The following RAD18 variants were observed in gnomAD, a reference collection of about 807,000 sequenced individuals.
The protein encoded by RAD18 is E3 ubiquitin-protein ligase RAD18.
Under a neutral mutation model 60.4 loss-of-function variants are expected in RAD18, and 47 were observed. That is an observed-to-expected ratio of 0.78 (90% confidence interval 0.62 to 0.99). The LOEUF is 0.99. RAD18 is among the 50% of genes least tolerant of loss of function. The probability of loss-of-function intolerance (pLI) is 0.00; values close to 1 mark genes in which losing one functional copy is unlikely to be tolerated. For synonymous variants in RAD18, 225 were observed against 195.5 expected, an observed-to-expected ratio of 1.15 and a Z score of -1.26; for missense variants, 640 against 593.3, an observed-to-expected ratio of 1.08 and a Z score of -0.82.
At chr3:8,928,965 A>G (rs1940499507) in intron 7 of RAD18, among the ~76,000 whole-genome samples, 1 of 149,048 alleles carries the variant, frequency 6.7e-6, no homozygotes, top group Non-Finnish European at 1.5e-5. Flanking sequence ...AATAACCAAA[A>G]TCTTTAAAAA....
Position 8,935,750 on chromosome 3 carries a change from G to A in RAD18, c.889+121C>T. 3 of 936,666 alleles carry A rather than the reference G, an allele frequency of 3.2e-6. No individual in the cohort carries two copies. The South Asian group carries it at 6.2e-5, about 19-fold the overall frequency. 58.0% of individuals were successfully genotyped at this position (936,666 alleles called of 1,614,324 possible). ...AGGTACCTTTTGAAGGAACACATTT[G>A]CACGTCTTATCTATCAAAAATGTAT... On this transcript the variant is annotated intron_variant, in intron 7 of 12. Transcript: ENST00000264926.
chr3:8,922,925 T>A (rs1440259479), intron 7 of RAD18, among the ~76,000 whole-genome samples: 4 of 152,066 alleles, frequency 2.6e-5, no homozygotes, highest in Admixed American at 2.6e-4. Flanking sequence ...TACGTCACCA[T>A]CATCAAAGAC....
In RAD18 at chr3:8,963,360, C is replaced by A. The variant is rs756469866; in HGVS notation, c.26G>T (p.Trp9Leu). The A allele has an allele frequency of 2.1e-5, 34 of 1,611,766 alleles. No individual in the cohort carries two copies. Among genetic ancestry groups the A allele is most frequent in the Non-Finnish European group, 2.8e-5 (33 of 1,179,102 alleles). Residue 9 changes from tryptophan to leucine, a missense_variant, in exon 1 of 13, where the codon TGG becomes TTG. By Grantham distance (61) the Trp-to-Leu change is moderately conservative. Coordinates refer to ENST00000264926, the MANE Select transcript of RAD18 (RefSeq NM_020165.4). Reference sequence around the variant, plus strand: ...CTTCATGACTGCCAGGCCCGGAGGCCACCGAGACTCGGCCAGGGAGTCCAT... The same window carrying A: ...CTTCATGACTGCCAGGCCCGGAGGCAACCGAGACTCGGCCAGGGAGTCCAT... The part of the protein sequence containing the change: MDSLAESR[W>L]PPGLAVMKTI...
chr3:8,942,414 G>A (rs1017260179), intron 4 of RAD18, among the ~76,000 whole-genome samples: 3 of 152,196 alleles, frequency 2.0e-5, no homozygotes, highest in African/African-American at 7.2e-5. Context: ...GGCTTGTACA[G>A]CTGCAGAACC....
At chr3:8,918,698 T>C (rs1358205046) in intron 7 of RAD18, among the ~76,000 whole-genome samples, 1 of 152,156 alleles carries the variant, frequency 6.6e-6, no homozygotes, top group Non-Finnish European at 1.5e-5. Context: ...AAATCTACTC[T>C]TTATAAGCAA....
intron 12 of RAD18, among the ~76,000 whole-genome samples, chr3:8,888,736 C>T (rs1939627379): frequency 6.6e-6 from 1 of 152,238 alleles, no homozygotes; most frequent in Non-Finnish European, 1.5e-5. Flanking sequence ...GTCAGTTTAC[C>T]TCTCTGGAGC....
At chr3:8,927,969 T>C (rs34315999) in intron 7 of RAD18, among the ~76,000 whole-genome samples, 3,306 of 148,858 alleles carry the variant, frequency 0.022, 57 homozygotes, top group Non-Finnish European at 0.032. Context: ...AAATGACGAG[T>C]TAGTGGGGGC....
intron 6 of RAD18, among the ~76,000 whole-genome samples, chr3:8,938,745 C>A (rs908387695): frequency 6.6e-6 from 1 of 152,106 alleles, no homozygotes; most frequent in Non-Finnish European, 1.5e-5. Flanking sequence ...AAAGAACAAC[C>A]CTTGATCTTT....
rs183073764 is a variant in RAD18, at chr3:8,895,161, C to T, written c.1322+3733G>A. On this transcript the variant is annotated intron_variant, in intron 11 of 12. Coordinates refer to ENST00000264926, the MANE Select transcript of RAD18 (RefSeq NM_020165.4). ...ACTCACCACCTGAAACAGAATGAAC[C>T]ATTTAGCTTTCAGGGTATTCTAAAG... is the stretch of plus-strand genomic sequence containing the variant. Among the ~76,000 whole-genome samples, 8 of 151,574 alleles carry T rather than the reference C, an allele frequency of 5.3e-5. No homozygotes were observed. The East Asian group carries it at 1.5e-3, about 29-fold the overall frequency.
chr3:8,956,670 C>A (rs1365886949), intron 2 of RAD18, among the ~76,000 whole-genome samples: 4 of 144,844 alleles, frequency 2.8e-5, no homozygotes, highest in Non-Finnish European at 5.9e-5. Context: ...AGCTATGTCA[C>A]AAAATAAAGG....
chr3:8,959,932 T>C (rs1277078132), intron 1 of RAD18, among the ~76,000 whole-genome samples: 2 of 150,654 alleles, frequency 1.3e-5, no homozygotes, highest in African/African-American at 4.9e-5. Context: ...ATGAAAAGAT[T>C]GCCAAGATAA....
chr3:8,933,810 T>C (rs1000829841), intron 7 of RAD18, among the ~76,000 whole-genome samples: 1 of 152,034 alleles, frequency 6.6e-6, no homozygotes, highest in Non-Finnish European at 1.5e-5. Flanking sequence ...AAAACTTATA[T>C]GGAAATACAA....
At chr3:8,913,844 T>C (rs1163440276) in intron 7 of RAD18, 124 bp from the exon 8 acceptor site, 1 of 514,344 alleles carries the variant, frequency 1.9e-6, no homozygotes, top group Non-Finnish European at 3.2e-6. Context: ...CTCCCTGATC[T>C]ATTTTTACAA....
chr3:8,890,203 T>C (rs1307930879), intron 12 of RAD18, 186 bp downstream of exon 12: 1 of 577,902 alleles, frequency 1.7e-6, no homozygotes, highest in East Asian at 2.8e-5. Flanking sequence ...AGTTATTACA[T>C]AGGATTCCAT....
intron 2 of RAD18, among the ~76,000 whole-genome samples, chr3:8,951,202 T>C (rs1400749646): frequency 6.6e-6 from 1 of 152,098 alleles, no homozygotes; most frequent in African/African-American, 2.4e-5. Flanking sequence ...AATAGACACC[T>C]CAGCCAATCA....
intron 7 of RAD18, among the ~76,000 whole-genome samples, chr3:8,930,714 C>T (rs540974355): frequency 7.2e-4 from 110 of 152,112 alleles, no homozygotes; most frequent in African/African-American, 2.4e-3. Flanking sequence ...AAGAAATGTC[C>T]TCAACCTCAT....
intron 1 of RAD18, among the ~76,000 whole-genome samples, chr3:8,962,693 A>C (rs1941110581): frequency 6.6e-6 from 1 of 152,232 alleles, no homozygotes; most frequent in African/African-American, 2.4e-5. Flanking sequence ...TGCCTTGCCA[A>C]AACAGAAAGT....
Position 8,912,305 on chromosome 3 carries a change from A to T in RAD18, c.1027+7T>A, listed in dbSNP as rs1294806103. 1 of 1,547,466 alleles carries T rather than the reference A, an allele frequency of 6.5e-7. No individual in the cohort carries two copies. Among genetic ancestry groups the T allele is most frequent in the East Asian group, 2.4e-5 (1 of 42,506 alleles). On this transcript the variant is annotated splice_region_variant and intron_variant, in intron 9 of 12. Coordinates refer to ENST00000264926, the MANE Select transcript of RAD18 (RefSeq NM_020165.4). ...CTTTACAAATTAAATAAAGTCGTGCAACTTACGATATTTACTGTGGATTTC... is the reference window on the plus strand; with the variant it reads ...CTTTACAAATTAAATAAAGTCGTGCTACTTACGATATTTACTGTGGATTTC...
At chr3:8,958,799 AC>A in intron 2 of RAD18, 120 bp downstream of exon 2, 1 of 740,164 alleles carries the variant, frequency 1.4e-6, no homozygotes, top group Non-Finnish European at 2.3e-6. Flanking sequence ...CTTCTGAAAA[AC>A]TACAAGATAG....
Sources: gnomAD v4.1 joint callset for allele counts (sites outside exome capture counted in the v4.1 genomes callset) on GRCh38, gnomAD v4.1.1 for gene constraint, MANE v1.5 for transcripts, NCBI Gene and HGNC (gene_info 2026-07-23, HGNC 2026-07-21) for gene names.